NELL1: variants seen among roughly 807,000 people sequenced by gnomAD.
The protein encoded by NELL1 is protein kinase C-binding protein NELL1.
Under a neutral mutation model 107.4 loss-of-function variants are expected in NELL1, and 76 were observed. That is an observed-to-expected ratio of 0.71 (90% confidence interval 0.59 to 0.86). The LOEUF is 0.86. NELL1 is among the 40% of genes least tolerant of loss of function. NELL1 has a pLI of 0.00. For synonymous variants in NELL1, 353 were observed against 341.2 expected, an observed-to-expected ratio of 1.03 and a Z score of -0.38; for missense variants, 1,024 against 1,005.5, an observed-to-expected ratio of 1.02 and a Z score of -0.25.
intron 12 of NELL1, among the ~76,000 whole-genome samples, chr11:21,049,400 G>A (rs1403348456): frequency 6.6e-6 from 1 of 152,024 alleles, no homozygotes; most frequent in Non-Finnish European, 1.5e-5. Flanking sequence ...AACTTCTCCT[G>A]AGCAGCCACC....
At chr11:20,731,082 A>T (rs1207362624) in intron 2 of NELL1, among the ~76,000 whole-genome samples, 1 of 46,262 alleles carries the variant, frequency 2.2e-5, no homozygotes, top group African/African-American at 5.1e-5. Context: ...ATGAGTCAGG[A>T]TTCTATGATA....
intron 12 of NELL1, among the ~76,000 whole-genome samples, chr11:21,002,602 A>AT (rs1852247477): frequency 6.6e-6 from 1 of 152,188 alleles, no homozygotes; most frequent in South Asian, 2.1e-4. Context: ...CTGCCTCTAC[A>AT]TTCCATCCAA....
intron 14 of NELL1, among the ~76,000 whole-genome samples, chr11:21,363,247 G>A (rs1449866000): frequency 2.0e-5 from 3 of 152,142 alleles, no homozygotes; most frequent in Non-Finnish European, 2.9e-5. Flanking sequence ...GGCTTCCTGG[G>A]GCTCAAGTTG....
intron 4 of NELL1, among the ~76,000 whole-genome samples, chr11:20,865,038 C>T (rs1849067722): frequency 6.6e-6 from 1 of 152,152 alleles, no homozygotes; most frequent in South Asian, 2.1e-4. Flanking sequence ...TTTTCCTGCC[C>T]TCCTTTAACT....
intron 2 of NELL1, among the ~76,000 whole-genome samples, chr11:20,684,019 C>CT (rs34913687): frequency 0.1 from 13,750 of 131,196 alleles, 787 homozygotes; most frequent in Non-Finnish European, 0.14. Context: ...TCTGTTCGTT[C>CT]TTTTTTTTTT....
At chr11:20,723,677 A>G (rs556046361) in intron 2 of NELL1, among the ~76,000 whole-genome samples, 1 of 152,124 alleles carries the variant, frequency 6.6e-6, no homozygotes, top group Admixed American at 6.5e-5. Context: ...TGGCATCTAG[A>G]GAATGGTGGC....
chr11:21,098,424 C>G (rs1282423820), intron 12 of NELL1, among the ~76,000 whole-genome samples: 1 of 152,180 alleles, frequency 6.6e-6, no homozygotes, highest in Admixed American at 6.5e-5. Flanking sequence ...GTAACCTCAT[C>G]GCCCAGCATA....
chr11:21,344,373 A>C (rs553901665), intron 14 of NELL1, among the ~76,000 whole-genome samples: 1 of 152,314 alleles, frequency 6.6e-6, no homozygotes, highest in African/African-American at 2.4e-5. Context: ...TCAGTCATAC[A>C]TGTGGGCACT....
chr11:20,901,509 T>G (rs1340178689), intron 5 of NELL1, among the ~76,000 whole-genome samples: 1 of 151,744 alleles, frequency 6.6e-6, no homozygotes, highest in Admixed American at 6.6e-5. Flanking sequence ...AACGTCTGCT[T>G]CTTCCACATT....
rs148594047 is a variant in NELL1, at chr11:21,274,058, A to C, written c.1549+44604A>C. Reference sequence around the variant, plus strand: ...ATCAAATTCACACATAACGATATTAACCTTAAATGTAAATGGACTAAATGC... The same window carrying C: ...ATCAAATTCACACATAACGATATTACCCTTAAATGTAAATGGACTAAATGC... On this transcript the variant is annotated intron_variant, in intron 14 of 19. Transcript: ENST00000357134. 4.5e-3 allele frequency among the ~76,000 whole-genome samples: 689 copies of C among 152,340 alleles called. 1 individual carries two copies. Among genetic ancestry groups the C allele is most frequent in the Middle Eastern group, 0.02 (6 of 294 alleles).
intron 12 of NELL1, among the ~76,000 whole-genome samples, chr11:21,078,031 TAG>T (rs1854181839): frequency 6.6e-6 from 1 of 152,044 alleles, no homozygotes; most frequent in Non-Finnish European, 1.5e-5. Flanking sequence ...GTAACAATAA[TAG>T]AGTGTTACAC....
At chr11:21,439,705 G>A (rs769881050) in intron 15 of NELL1, among the ~76,000 whole-genome samples, 5 of 152,096 alleles carry the variant, frequency 3.3e-5, no homozygotes, top group African/African-American at 7.2e-5. Flanking sequence ...TTCACGCCAT[G>A]TTTCAAGTTT....
chr11:21,526,438 G>GATCTACCA (rs1855857768), intron 15 of NELL1, among the ~76,000 whole-genome samples: 5 of 152,214 alleles, frequency 3.3e-5, no homozygotes, highest in African/African-American at 1.2e-4. Context: ...TACCATTCTG[G>GATCTACCA]GGTCTGGAGG....
chr11:20,863,047 C>A (rs1200717100), intron 4 of NELL1, among the ~76,000 whole-genome samples: 2 of 152,192 alleles, frequency 1.3e-5, no homozygotes, highest in Non-Finnish European at 2.9e-5. Flanking sequence ...TTTTGCCCAC[C>A]TTTCCCCCTT....
At chr11:21,075,498 C>T (rs1014519658) in intron 12 of NELL1, among the ~76,000 whole-genome samples, 1 of 152,116 alleles carries the variant, frequency 6.6e-6, no homozygotes, top group African/African-American at 2.4e-5. Context: ...CAGGGTCTCA[C>T]TCTGTCACCC....
At chr11:20,798,918 G>A (rs918441639) in intron 3 of NELL1, among the ~76,000 whole-genome samples, 17 of 109,502 alleles carry the variant, frequency 1.6e-4, no homozygotes, top group African/African-American at 4.6e-4. Flanking sequence ...CAGCGAAGGT[G>A]TGTAAGGGGC....
chr11:21,302,967 G>GGGA (rs554921633), intron 14 of NELL1, among the ~76,000 whole-genome samples: 268 of 151,922 alleles, frequency 1.8e-3, no homozygotes, highest in African/African-American at 6.0e-3. Flanking sequence ...AGACTGAAGC[G>GGGA]GGAGGATCAC....
intron 14 of NELL1, among the ~76,000 whole-genome samples, chr11:21,349,430 C>T (rs1174365204): frequency 6.6e-6 from 1 of 152,106 alleles, no homozygotes; most frequent in Non-Finnish European, 1.5e-5. Context: ...AGGGAATGTA[C>T]TGCATTCAAA....
chr11:21,197,610 G>A (rs1214592133), intron 13 of NELL1, among the ~76,000 whole-genome samples: 1 of 152,070 alleles, frequency 6.6e-6, no homozygotes, highest in East Asian at 1.9e-4. Context: ...AATATATTTT[G>A]AATACTGCAA....
Sources: allele counts gnomAD v4.1 joint callset (sites outside exome capture counted in the v4.1 genomes callset), GRCh38; gene constraint gnomAD v4.1.1; transcripts MANE v1.5; gene names NCBI Gene and HGNC (gene_info 2026-07-23, HGNC 2026-07-21).